Variants in SGCZ observed in about 807,000 individuals in gnomAD.
The protein encoded by SGCZ is sarcoglycan zeta.
Under a neutral mutation model 41.3 loss-of-function variants are expected in SGCZ, and 40 were observed. That is an observed-to-expected ratio of 0.97 (90% confidence interval 0.75 to 1.26). SGCZ has a LOEUF of 1.26. Ranked by LOEUF, SGCZ falls within the 50% of genes most tolerant of loss-of-function variation. SGCZ has a pLI of 0.00. For synonymous variants in SGCZ, 206 were observed against 137.5 expected (o/e 1.50, Z -3.49); for missense variants, 552 against 369.8 (o/e 1.49, Z -4.04).
intron 4 of SGCZ, among the ~76,000 whole-genome samples, chr8:14,186,367 G>A (rs1804901602): frequency 6.6e-6 from 1 of 152,168 alleles, no homozygotes. Context: ...ATCCTAATGT[G>A]ATGGAAATTC....
chr8:14,484,225 TA>T (rs760091270), intron 2 of SGCZ, among the ~76,000 whole-genome samples: 1 of 152,182 alleles, frequency 6.6e-6, no homozygotes, highest in African/African-American at 2.4e-5. Flanking sequence ...GTAATTCTGA[TA>T]TTTTTTATTT....
At chr8:14,473,374 TTTG>T (rs1220188960) in intron 2 of SGCZ, among the ~76,000 whole-genome samples, 1 of 152,184 alleles carries the variant, frequency 6.6e-6, no homozygotes, top group East Asian at 1.9e-4. Context: ...GTTCTTTAAT[TTTG>T]TTATCACATT....
At chr8:14,536,294 A>G (rs1803294579) in intron 2 of SGCZ, among the ~76,000 whole-genome samples, 1 of 151,928 alleles carries the variant, frequency 6.6e-6, no homozygotes, top group African/African-American at 2.4e-5. Flanking sequence ...TAAAAGTAAA[A>G]GGAATTATTA....
intron 1 of SGCZ, among the ~76,000 whole-genome samples, chr8:14,815,460 A>T (rs928851946): frequency 1.3e-5 from 2 of 152,044 alleles, no homozygotes; most frequent in Non-Finnish European, 2.9e-5. Context: ...ATGGGAGAGT[A>T]AGAATAAAAA....
chr8:14,202,697 T>C lies in SGCZ; in HGVS notation c.424+34895A>G, dbSNP rs561409263. Reference sequence around the variant, plus strand: ...AAAGATCCCTTGGTAATTTTTAACATTAATATAGAAGTTAAATTGAATTCT... The same window carrying C: ...AAAGATCCCTTGGTAATTTTTAACACTAATATAGAAGTTAAATTGAATTCT... On this transcript the variant is annotated intron_variant, in intron 4 of 7. Transcript: ENST00000382080. 1.7e-4 allele frequency among the ~76,000 whole-genome samples: 26 copies of C among 152,288 alleles called. No homozygotes were observed. The South Asian group carries it at 5.0e-3, about 29-fold the overall frequency.
At chr8:14,093,061 G>T (rs942586160) in intron 7 of SGCZ, among the ~76,000 whole-genome samples, 1 of 151,904 alleles carries the variant, frequency 6.6e-6, no homozygotes, top group Non-Finnish European at 1.5e-5. Context: ...GAAAAAAAAC[G>T]GATCTTGAAT....
At chr8:14,366,263 G>T (rs974314472) in intron 2 of SGCZ, among the ~76,000 whole-genome samples, 3 of 152,106 alleles carry the variant, frequency 2.0e-5, no homozygotes, top group East Asian at 1.9e-4. Context: ...GGAAGCCTCA[G>T]GAAACTTACA....
chr8:14,702,925 G>GTAGGTAGA lies in SGCZ; in HGVS notation c.40-148000_40-147999insTCTACCTA, dbSNP rs1212521242. 3.4e-3 allele frequency among the ~76,000 whole-genome samples: 429 copies of GTAGGTAGA among 125,978 alleles called. 4 individuals carry two copies. Among genetic ancestry groups the GTAGGTAGA allele is most frequent in the African/African-American group, 0.011 (384 of 34,178 alleles). The allele number at this position is 125,978 out of a possible 152,430, so 82.6% of individuals were successfully genotyped here. On this transcript the variant is annotated intron_variant, in intron 1 of 7. Transcript: ENST00000382080. ...GGCAGACAGGTAGGTAGTTAGGTAGGTAGATAGATAGATAGATAGATAGAT... is the reference window on the plus strand; with the variant it reads ...GGCAGACAGGTAGGTAGTTAGGTAGGTAGGTAGATAGATAGATAGATAGATAGATAGAT...
intron 3 of SGCZ, among the ~76,000 whole-genome samples, chr8:14,262,341 G>A (rs1799704087): frequency 3.3e-5 from 5 of 152,048 alleles, no homozygotes; most frequent in Admixed American, 2.6e-4. Flanking sequence ...AAATAATTCT[G>A]TACAATAGCA....
chr8:14,897,114 C>A lies in SGCZ; in HGVS notation c.39+340471G>T, dbSNP rs181286561. 3.7e-3 allele frequency among the ~76,000 whole-genome samples: 561 copies of A among 152,190 alleles called. 4 individuals carry two copies. The highest frequency in any genetic ancestry group is 0.017 in the Middle Eastern group (5 of 294). On this transcript the variant is annotated intron_variant, in intron 1 of 7. Transcript: ENST00000382080. ...ACTTTCTTAACCTCCCTAGTCCTTG[C>A]TTTTCACATCTGCAAAAAGGAAATA...
intron 1 of SGCZ, among the ~76,000 whole-genome samples, chr8:15,038,299 C>T (rs1803941354): frequency 6.6e-6 from 1 of 152,046 alleles, no homozygotes. Flanking sequence ...AGAAATAAAT[C>T]TGCCTACTTA....
intron 1 of SGCZ, among the ~76,000 whole-genome samples, chr8:14,832,124 A>G (rs1306121611): frequency 6.6e-6 from 1 of 152,202 alleles, no homozygotes; most frequent in Non-Finnish European, 1.5e-5. Context: ...TTAAGTCACT[A>G]TTGAAGTGCA....
intron 1 of SGCZ, among the ~76,000 whole-genome samples, chr8:15,197,559 A>G (rs1347701602): frequency 6.6e-6 from 1 of 152,232 alleles, no homozygotes; most frequent in Non-Finnish European, 1.5e-5. Context: ...TATTGGAAGA[A>G]CATTAGCTCA....
chr8:14,747,570 TTAA>T (rs1163594156), intron 1 of SGCZ, among the ~76,000 whole-genome samples: 2 of 152,096 alleles, frequency 1.3e-5, no homozygotes, highest in Non-Finnish European at 2.9e-5. Context: ...TATTTTTGTA[TTAA>T]TAATTTGTTA....
intron 3 of SGCZ, among the ~76,000 whole-genome samples, chr8:14,288,333 G>T (rs9657203): frequency 0.98 from 149,217 of 152,204 alleles, 73,220 homozygotes; most frequent in East Asian, 1. Context: ...TAAGTGGCAG[G>T]TAGTACATCA....
intron 1 of SGCZ, among the ~76,000 whole-genome samples, chr8:14,797,076 A>C (rs1231017574): frequency 1.3e-5 from 2 of 152,154 alleles, no homozygotes; most frequent in Non-Finnish European, 2.9e-5. Context: ...CTAATATGGT[A>C]AATTGGTACC....
chr8:14,922,092 C>T (rs915926493), intron 1 of SGCZ, among the ~76,000 whole-genome samples: 2 of 151,916 alleles, frequency 1.3e-5, no homozygotes, highest in African/African-American at 4.8e-5. Flanking sequence ...GTGCTTAATC[C>T]CTGCTTTAGC....
At chr8:14,558,648 C>A (rs1021324485) in intron 1 of SGCZ, among the ~76,000 whole-genome samples, 10 of 147,934 alleles carry the variant, frequency 6.8e-5, no homozygotes, top group Non-Finnish European at 1.3e-4. Context: ...GCCAGTATCA[C>A]CCTAATACCA....
intron 1 of SGCZ, among the ~76,000 whole-genome samples, chr8:14,667,697 T>A (rs1006162334): frequency 6.6e-6 from 1 of 152,170 alleles, no homozygotes; most frequent in Non-Finnish European, 1.5e-5. Context: ...ACCATCACTA[T>A]TGAACTCTTG....
Sources: allele counts gnomAD v4.1 joint callset (sites outside exome capture counted in the v4.1 genomes callset), GRCh38; gene constraint gnomAD v4.1.1; transcripts MANE v1.5; gene names NCBI Gene and HGNC (gene_info 2026-07-23, HGNC 2026-07-21).